The following SMU1 variants were observed in gnomAD, a reference collection of about 807,000 sequenced individuals.
The protein encoded by SMU1 is SMU1 DNA replication regulator and spliceosomal factor, also known as WD40 repeat-containing protein SMU1.
SMU1 carries 2 observed loss-of-function variants against 62.0 expected under a neutral mutation model. The ratio of observed to expected loss-of-function variants is 0.03; its 90% CI spans 0.01 to 0.10. The LOEUF is 0.10. SMU1 is among the 10% of genes least tolerant of loss of function. SMU1 has a pLI of 1.00. For synonymous variants in SMU1, 188 were observed against 212.4 expected (o/e 0.89, Z 1.00); for missense variants, 227 against 622.1 (o/e 0.36, Z 6.76).
rs905011148 is a variant in SMU1 at position 33,042,345 on chromosome 9, C to G, written c.*4948G>C. On this transcript the variant is annotated 3_prime_UTR_variant, in exon 12 of 12. Coordinates refer to ENST00000397149, the MANE Select transcript of SMU1 (RefSeq NM_018225.3). The stretch of plus-strand genomic sequence containing the variant: ...CTCAGAACAATGTAATGAGGGAGAG[C>G]CTATGAAAAAACAAAGCCTATGAAA... 2 of 152,506 alleles carry G rather than the reference C, an allele frequency of 1.3e-5. No individual in the cohort carries two copies. Among genetic ancestry groups the G allele is most frequent in the African/African-American group, 4.8e-5 (2 of 41,360 alleles). The allele number at this position is 152,506 out of a possible 1,614,324, so 9.4% of individuals were successfully genotyped here.
At position 33,047,277 on chromosome 9, in the gene SMU1, A is replaced by G; in HGVS notation, c.*16T>C. ...TAAGTACATGCTTTCGAGCTGATTT[A>G]AAAAGAAAAGTTGAATTATGGTTTC... On this transcript the variant is annotated 3_prime_UTR_variant, in exon 12 of 12. Transcript: ENST00000397149. 1 of 1,568,050 alleles carries G rather than the reference A, an allele frequency of 6.4e-7. No individual in the cohort carries two copies. The highest frequency in any genetic ancestry group is 8.8e-7 in the Non-Finnish European group (1 of 1,141,578).
At chr9:33,072,828 C>CAA (rs768630155) in intron 2 of SMU1, among the ~76,000 whole-genome samples, 4,266 of 81,834 alleles carry the variant, frequency 0.052, 125 homozygotes, top group East Asian at 0.12. Flanking sequence ...GACTCTGTCT[C>CAA]AAAAAAAAAA....
Position 33,047,395 on chromosome 9 carries a change from G to A in SMU1, c.1444-4C>T. On this transcript the variant is annotated splice_polypyrimidine_tract_variant and splice_region_variant and intron_variant, in intron 11 of 11. Transcript: ENST00000397149. ...CAATCACATCCTTCTCGTGCACCTG[G>A]AACATGTAAAGCACAGGGTTAGGAT... is the stretch of plus-strand genomic sequence containing the variant. 2 of 1,613,010 alleles carry A rather than the reference G, an allele frequency of 1.2e-6. No individual in the cohort carries two copies. The highest frequency in any genetic ancestry group is 1.7e-6 in the Non-Finnish European group (2 of 1,179,282).
intron 6 of SMU1, 128 bp from the exon 7 acceptor site, chr9:33,057,842 G>A (rs891381054): frequency 2.8e-5 from 31 of 1,096,210 alleles, no homozygotes; most frequent in East Asian, 9.6e-5. Flanking sequence ...CAGAAGTGCC[G>A]TGCATACACG....
intron 4 of SMU1, among the ~76,000 whole-genome samples, chr9:33,067,221 G>GAA (rs1475017079): frequency 3.7e-5 from 5 of 136,928 alleles, no homozygotes. Flanking sequence ...AAATCCAGAA[G>GAA]AAGAGTAAGT....
At position 33,046,005 on chromosome 9, in the gene SMU1, G is replaced by C. The variant is rs961265217; in HGVS notation, c.*1288C>G. ...CTCACGTTCTTGAAAGTACTGCCTA[G>C]CATGGTATCTTCCTCATCATCAGAG... On this transcript the variant is annotated 3_prime_UTR_variant, in exon 12 of 12. Transcript: ENST00000397149. 1 of 152,218 alleles carries C rather than the reference G, an allele frequency of 6.6e-6. No homozygotes were observed. Among genetic ancestry groups the C allele is most frequent in the African/African-American group, 2.4e-5 (1 of 41,448 alleles). The allele number at this position is 152,218 out of a possible 1,614,324, so 9.4% of individuals were successfully genotyped here.
Position 33,047,212 on chromosome 9 carries a change from CAA to C in SMU1, c.*79_*80del, listed in dbSNP as rs34866457. Reference sequence around the variant, plus strand: ...CAATCTATTTGCTTAGAAAAGCTGGCAAAAAAAAAAAAAAGCACATTACATGA... The same window carrying C: ...CAATCTATTTGCTTAGAAAAGCTGGCAAAAAAAAAAAAGCACATTACATGA... On this transcript the variant is annotated 3_prime_UTR_variant, in exon 12 of 12. Coordinates refer to ENST00000397149, the MANE Select transcript of SMU1 (RefSeq NM_018225.3). 7.1e-3 allele frequency: 4,528 copies of C among 634,878 alleles called. No individual in the cohort carries two copies. Among genetic ancestry groups the C allele is most frequent in the South Asian group, 0.016 (612 of 39,024 alleles). The allele number at this position is 634,878 out of a possible 1,614,324, so 39.3% of individuals were successfully genotyped here. A position where few individuals can be genotyped will look rare whatever the true frequency, so the allele number is the denominator to read the frequency against.
intron 8 of SMU1, 70 bp from the exon 9 acceptor site, chr9:33,056,309 TGC>T: frequency 7.0e-7 from 1 of 1,435,742 alleles, no homozygotes; most frequent in Non-Finnish European, 9.4e-7. Flanking sequence ...AACGATTGAA[TGC>T]ATTTTAGATA....
chr9:33,053,299 C>G lies in SMU1; in HGVS notation c.1123-9G>C. 4.3e-6 allele frequency: 7 copies of G among 1,611,222 alleles called. No individual in the cohort carries two copies. Among genetic ancestry groups the G allele is most frequent in the Non-Finnish European group, 5.9e-6 (7 of 1,179,584 alleles). ...GTCTTCATATTCCAGATCTACCACACAGAAATTTAAGTTATAAACCTTTTT... is the reference window on the plus strand; with the variant it reads ...GTCTTCATATTCCAGATCTACCACAGAGAAATTTAAGTTATAAACCTTTTT... On this transcript the variant is annotated splice_polypyrimidine_tract_variant and intron_variant, in intron 9 of 11. Transcript: ENST00000397149.
At position 33,056,773 on chromosome 9, in the gene SMU1, T is replaced by C. The variant is rs896329389; in HGVS notation, c.995+64A>G. 1.9e-6 allele frequency: 3 copies of C among 1,541,320 alleles called. No homozygotes were observed. In the African/African-American group the frequency reaches 4.1e-5, roughly 21 times the overall value. On this transcript the variant is annotated intron_variant, in intron 8 of 11. Transcript: ENST00000397149. The stretch of plus-strand genomic sequence containing the variant: ...TGGTAAAAGCGTAAGGAATCACTAG[T>C]ACCTCCCTCCATGGCCTCATTATAT...
intron 9 of SMU1, 165 bp from the exon 10 acceptor site, chr9:33,053,455 TAC>T (rs1360153867): frequency 4.4e-6 from 1 of 229,864 alleles, no homozygotes; most frequent in African/African-American, 2.3e-5. Context: ...CACTGCCATA[TAC>T]AGTTTTCCTT....
At chr9:33,074,954 G>T (rs1839529211) in intron 1 of SMU1, among the ~76,000 whole-genome samples, 2 of 151,996 alleles carry the variant, frequency 1.3e-5, no homozygotes, top group South Asian at 4.2e-4. Flanking sequence ...TGTATTTTTT[G>T]TAGAGACGTG....
chr9:33,050,375 A>C (rs1230836752), intron 10 of SMU1, among the ~76,000 whole-genome samples: 1 of 152,236 alleles, frequency 6.6e-6, no homozygotes, highest in Non-Finnish European at 1.5e-5. Context: ...TAATCACACT[A>C]CTTAGCATTT....
intron 6 of SMU1, 35 bp from the exon 7 acceptor site, chr9:33,057,749 C>T: frequency 1.2e-6 from 2 of 1,611,184 alleles, no homozygotes; most frequent in Non-Finnish European, 1.7e-6. Flanking sequence ...ATCAAAATAA[C>T]ACAAAGCCAA....
chr9:33,051,986 C>T (rs1839255548), intron 10 of SMU1, among the ~76,000 whole-genome samples: 1 of 146,774 alleles, frequency 6.8e-6, no homozygotes. Flanking sequence ...CATTGCACTT[C>T]AGCCTGGGCA....
chr9:33,076,503 T>C, intron 1 of SMU1, 80 bp downstream of exon 1: 1 of 1,565,522 alleles, frequency 6.4e-7, no homozygotes, highest in Non-Finnish European at 8.8e-7. Context: ...CTCGGATGCC[T>C]TCTCCCGAGT....
chr9:33,054,077 G>T (rs563529456), intron 9 of SMU1, among the ~76,000 whole-genome samples: 8 of 152,252 alleles, frequency 5.3e-5, no homozygotes, highest in African/African-American at 1.7e-4. Flanking sequence ...TTGAGGCCAG[G>T]AGTTCAAGAC....
intron 10 of SMU1, among the ~76,000 whole-genome samples, chr9:33,050,839 A>AAAAATAAGCTATCAAACCAT (rs1348617935): frequency 1.6e-4 from 20 of 127,148 alleles, no homozygotes; most frequent in East Asian, 2.1e-4. Flanking sequence ...AAAAAAAATA[A>AAAAATAAGCTATCAAACCAT]GGCCGGGCGC....
intron 3 of SMU1, among the ~76,000 whole-genome samples, chr9:33,070,950 A>C (rs923978897): frequency 6.6e-6 from 1 of 152,202 alleles, no homozygotes; most frequent in Non-Finnish European, 1.5e-5. Flanking sequence ...AATAAGAAAT[A>C]GTATTTGATA....
Sources: gnomAD v4.1 joint callset for allele counts (sites outside exome capture counted in the v4.1 genomes callset) on GRCh38, gnomAD v4.1.1 for gene constraint, MANE v1.5 for transcripts, NCBI Gene and HGNC (gene_info 2026-07-23, HGNC 2026-07-21) for gene names.